The following NR2F1-AS1 variants were observed in gnomAD, a reference collection of about 807,000 sequenced individuals.
NR2F1-AS1 encodes NR2F1 antisense RNA 1.
At chr5:93,487,018 C>G (rs1470300278) in intron 4 of NR2F1-AS1, among the ~76,000 whole-genome samples, 1 of 152,124 alleles carries the variant, frequency 6.6e-6, no homozygotes, top group East Asian at 1.9e-4. Context: ...TCAACAGATG[C>G]TGAAAAGGCC....
intron 4 of NR2F1-AS1, among the ~76,000 whole-genome samples, chr5:93,442,114 G>C (rs1314151093): frequency 6.6e-6 from 1 of 152,208 alleles, no homozygotes; most frequent in Non-Finnish European, 1.5e-5. Flanking sequence ...CCAGTCTACA[G>C]CTCCCAGCGT....
chr5:93,531,999 TC>T (rs1312444039), intron 4 of NR2F1-AS1, among the ~76,000 whole-genome samples: 1 of 152,188 alleles, frequency 6.6e-6, no homozygotes, highest in Non-Finnish European at 1.5e-5. Context: ...CCTTTTTTCT[TC>T]ATAAGTGTGT....
chr5:93,501,349 T>G (rs62369939), intron 4 of NR2F1-AS1, among the ~76,000 whole-genome samples: 1 of 81,660 alleles, frequency 1.2e-5, no homozygotes. Context: ...TGTTGTTGTT[T>G]GGGGGAATTT....
At chr5:93,560,748 A>G (rs1201717818) in intron 2 of NR2F1-AS1, among the ~76,000 whole-genome samples, 2 of 152,262 alleles carry the variant, frequency 1.3e-5, no homozygotes, top group Admixed American at 1.3e-4. Context: ...AGAAATATTT[A>G]AATAATGCAA....
intron 4 of NR2F1-AS1, among the ~76,000 whole-genome samples, chr5:93,492,707 C>T (rs1750877655): frequency 6.6e-6 from 1 of 152,122 alleles, no homozygotes; most frequent in Non-Finnish European, 1.5e-5. Context: ...TGAAGTGTAA[C>T]TCATGAATGC....
intron 4 of NR2F1-AS1, among the ~76,000 whole-genome samples, chr5:93,488,539 A>G (rs553685116): frequency 2.0e-5 from 3 of 152,320 alleles, no homozygotes; most frequent in African/African-American, 7.2e-5. Context: ...CAAAACTACA[A>G]TGAGATACCA....
At chr5:93,431,366 C>A (rs1402461416) in intron 4 of NR2F1-AS1, among the ~76,000 whole-genome samples, 3 of 152,100 alleles carry the variant, frequency 2.0e-5, no homozygotes, top group Admixed American at 6.6e-5. Flanking sequence ...GACACACAAG[C>A]TTTGAAAATA....
intron 4 of NR2F1-AS1, among the ~76,000 whole-genome samples, chr5:93,462,087 A>G (rs1415672936): frequency 6.6e-6 from 1 of 152,250 alleles, no homozygotes; most frequent in East Asian, 1.9e-4. Context: ...ATGTATGTGT[A>G]TATGTGAAAA....
At chr5:93,416,445 A>C (rs1748969310) in intron 4 of NR2F1-AS1, among the ~76,000 whole-genome samples, 1 of 152,194 alleles carries the variant, frequency 6.6e-6, no homozygotes, top group African/African-American at 2.4e-5. Flanking sequence ...TTATATCTAG[A>C]ATAAGATTCA....
chr5:93,573,339 G>A (rs1234152921), intron 1 of NR2F1-AS1, among the ~76,000 whole-genome samples: 1 of 152,198 alleles, frequency 6.6e-6, no homozygotes, highest in Non-Finnish European at 1.5e-5. Context: ...GCAGGATATG[G>A]AATTAGGGAA....
intron 4 of NR2F1-AS1, among the ~76,000 whole-genome samples, chr5:93,480,767 A>G (rs926646231): frequency 6.6e-6 from 1 of 152,130 alleles, no homozygotes; most frequent in African/African-American, 2.4e-5. Context: ...GCTGAGTAGG[A>G]GCAGAATTAA....
intron 4 of NR2F1-AS1, among the ~76,000 whole-genome samples, chr5:93,458,736 G>A (rs553721814): frequency 9.2e-5 from 14 of 152,252 alleles, no homozygotes; most frequent in African/African-American, 1.4e-4. Context: ...CAGGCCGGGC[G>A]CAGTGGCTCA....
At chr5:93,455,734 A>T (rs904392789) in intron 4 of NR2F1-AS1, among the ~76,000 whole-genome samples, 3 of 152,134 alleles carry the variant, frequency 2.0e-5, no homozygotes, top group Non-Finnish European at 4.4e-5. Context: ...ACATATACAA[A>T]CACAAAGGAT....
intron 4 of NR2F1-AS1, among the ~76,000 whole-genome samples, chr5:93,531,087 T>A (rs1194789491): frequency 1.3e-5 from 2 of 152,136 alleles, no homozygotes; most frequent in Non-Finnish European, 2.9e-5. Context: ...TCATTCTGTT[T>A]AATAAAAAAC....
At chr5:93,566,966 T>C (rs1292163117) in intron 1 of NR2F1-AS1, among the ~76,000 whole-genome samples, 3 of 152,070 alleles carry the variant, frequency 2.0e-5, no homozygotes, top group African/African-American at 7.2e-5. Flanking sequence ...GAGAAAACCT[T>C]ATTATACAAA....
At chr5:93,561,754 CAG>C (rs1752492884) in intron 2 of NR2F1-AS1, among the ~76,000 whole-genome samples, 1 of 151,562 alleles carries the variant, frequency 6.6e-6, no homozygotes, top group Non-Finnish European at 1.5e-5. Context: ...GCTCAGGCAA[CAG>C]AGACCCTGTC....
chr5:93,579,771 C>A lies in NR2F1-AS1; in HGVS notation n.313+696G>T, dbSNP rs889900801. Among the ~76,000 whole-genome samples, 1 of 152,230 alleles carries A rather than the reference C, an allele frequency of 6.6e-6. No individual in the cohort carries two copies. Among genetic ancestry groups the A allele is most frequent in the African/African-American group, 2.4e-5 (1 of 41,464 alleles). Reference sequence around the variant, plus strand: ...CCTGGGAGGCGACCCCCTCCCCGCCCCCAGCCGGCTGGCAGCGGCGCAGGG... The same window carrying A: ...CCTGGGAGGCGACCCCCTCCCCGCCACCAGCCGGCTGGCAGCGGCGCAGGG... On this transcript the variant is annotated intron_variant and non_coding_transcript_variant, in intron 1 of 5. Coordinates refer to ENST00000660523, the Ensembl canonical transcript of NR2F1-AS1. This position sits in a 1 kb window ranked among gnomAD's most constrained non-coding sequence, Gnocchi z 5.1.
Position 93,458,019 on chromosome 5 carries a change from G to A in NR2F1-AS1, n.639-62477C>T, listed in dbSNP as rs188118084. On this transcript the variant is annotated intron_variant and non_coding_transcript_variant, in intron 4 of 5. Transcript: ENST00000660523. ...TTGTCCTCAGTGACGACGCTTGAGC[G>A]TACCTTCACCCTAGAGAAAAGCACC... Among the ~76,000 whole-genome samples, 19 of 152,248 alleles carry A rather than the reference G, an allele frequency of 1.2e-4. No individual in the cohort carries two copies. The East Asian group carries it at 2.5e-3, about 20-fold the overall frequency.
chr5:93,503,184 T>C (rs1751119199), intron 4 of NR2F1-AS1, among the ~76,000 whole-genome samples: 1 of 152,178 alleles, frequency 6.6e-6, no homozygotes, highest in African/African-American at 2.4e-5. Context: ...ATGTATCAAG[T>C]TGCTAGCTTA....
Sources: allele counts gnomAD v4.1 joint callset (sites outside exome capture counted in the v4.1 genomes callset), GRCh38; gene constraint gnomAD v4.1.1; non-coding constraint Gnocchi (gnomAD v3.1); transcripts MANE v1.5; gene names NCBI Gene and HGNC (gene_info 2026-07-23, HGNC 2026-07-21).